Variants in DNAH3 observed in about 807,000 individuals in gnomAD.
DNAH3 encodes axonemal beta dynein heavy chain 3.
A neutral mutation model predicts 432.5 loss-of-function variants in DNAH3; 332 were observed. The observed-to-expected ratio is 0.77, with a 90% CI of 0.70 to 0.84. DNAH3 has a LOEUF of 0.84. DNAH3 is among the 40% of genes least tolerant of loss of function. The pLI is 0.00. For missense variants in DNAH3, 4,861 were observed against 5,114.0 expected (o/e 0.95, Z 1.51); for synonymous variants, 1,956 against 1,900.2 (o/e 1.03, Z -0.76).
chr16:21,092,767 A>T (rs1157516261), intron 18 of DNAH3, among the ~76,000 whole-genome samples: 2 of 143,160 alleles, frequency 1.4e-5, no homozygotes, highest in Non-Finnish European at 3.1e-5. Flanking sequence ...AAGAATTTTT[A>T]AAAATTCAAC....
chr16:21,070,337 C>T (rs1342356154), intron 22 of DNAH3, among the ~76,000 whole-genome samples: 1 of 152,060 alleles, frequency 6.6e-6, no homozygotes. Context: ...GGCTGGAGTG[C>T]AATGGCGCGA....
At chr16:20,978,765 G>A (rs1263447643) in intron 50 of DNAH3, among the ~76,000 whole-genome samples, 1 of 151,940 alleles carries the variant, frequency 6.6e-6, no homozygotes, top group Non-Finnish European at 1.5e-5. Flanking sequence ...GGTCTCAAGC[G>A]ATCTCTTGGC....
chr16:21,134,407 C>T, exon 7 of DNAH3: 1 of 1,614,148 alleles, frequency 6.2e-7, no homozygotes, highest in Middle Eastern at 1.6e-4. Flanking sequence ...GGGATGCTCT[C>T]AATAAAGAGC....
At chr16:21,039,004 G>T (rs1194554716) in intron 33 of DNAH3, among the ~76,000 whole-genome samples, 9 of 152,066 alleles carry the variant, frequency 5.9e-5, no homozygotes, top group Admixed American at 2.6e-4. Flanking sequence ...ATTTTGCAAC[G>T]ATTATTCATA....
chr16:21,042,600 C>A (rs1370727440), intron 31 of DNAH3, among the ~76,000 whole-genome samples: 5 of 151,970 alleles, frequency 3.3e-5, no homozygotes, highest in Non-Finnish European at 7.4e-5. Context: ...ACTTTTAGCA[C>A]GTTGGTATTT....
At position 21,067,289 on chromosome 16, in the gene DNAH3, A is replaced by C. The variant is rs749271331; in HGVS notation, c.3512T>G (p.Phe1171Cys). ...AAAGAACAATGCTGGATACCTGGGGAAGAATAGTCTCTTCTTCTCCAAGTA... is the reference window on the plus strand; with the variant it reads ...AAAGAACAATGCTGGATACCTGGGGCAGAATAGTCTCTTCTTCTCCAAGTA... Residue 1171 changes from phenylalanine (F) to cysteine (C), a missense_variant, in exon 24 of 62, where the codon TTC becomes TGC. Transcript: ENST00000261383. 13 of 1,613,936 alleles carry C rather than the reference A, an allele frequency of 8.1e-6. No homozygotes were observed. Among genetic ancestry groups the C allele is most frequent in the African/African-American group, 2.7e-5 (2 of 74,910 alleles).
In DNAH3 at chr16:21,062,640, C is replaced by T. The variant is rs933235238; in HGVS notation, c.3562G>A (p.Glu1188Lys). ...TGCACTCGGAGAGGGTCCTTTGTCT[C>T]GGACAAGATTTCCAGCAGCTCATCG... The change falls in exon 25 of 62, where the codon GAG becomes AAG. Residue 1188 changes from glutamate to lysine, a missense_variant. Coordinates refer to ENST00000261383, the Ensembl canonical transcript of DNAH3. 7.4e-6 allele frequency: 12 copies of T among 1,613,842 alleles called. No homozygotes were observed. Among genetic ancestry groups the T allele is most frequent in the South Asian group, 2.2e-5 (2 of 91,068 alleles).
At chr16:20,961,616 A>C (rs2084824048) in intron 53 of DNAH3, among the ~76,000 whole-genome samples, 1 of 152,058 alleles carries the variant, frequency 6.6e-6, no homozygotes, top group Non-Finnish European at 1.5e-5. Context: ...AGATGAGGAC[A>C]GACACAGAGA....
Position 21,067,764 on chromosome 16 carries a change from G to C in DNAH3, c.3382-345C>G, listed in dbSNP as rs576990026. On this transcript the variant is annotated intron_variant, in intron 23 of 61. Transcript: ENST00000261383. Reference sequence around the variant, plus strand: ...GATAGAGAAAGCCAGTCTTGGGGGGGGGGGTGGGGAGGGAGAGAGAGAGAG... The same window carrying C: ...GATAGAGAAAGCCAGTCTTGGGGGGCGGGGTGGGGAGGGAGAGAGAGAGAG... Among the ~76,000 whole-genome samples the C allele has an allele frequency of 1.3e-4, 5 of 39,802 alleles. 1 individual carries two copies. Among genetic ancestry groups the C allele is most frequent in the Non-Finnish European group, 1.4e-4 (3 of 21,182 alleles). 26.1% of individuals were successfully genotyped at this position (39,802 alleles called of 152,430 possible).
chr16:20,939,793 GA>G (rs2083736762), intron 59 of DNAH3, among the ~76,000 whole-genome samples: 1 of 152,158 alleles, frequency 6.6e-6, no homozygotes, highest in Non-Finnish European at 1.5e-5. Flanking sequence ...CTTGGTCTTG[GA>G]AGCAGAAGTG....
At chr16:21,034,940 T>C (rs2089086312) in intron 35 of DNAH3, among the ~76,000 whole-genome samples, 1 of 152,104 alleles carries the variant, frequency 6.6e-6, no homozygotes, top group South Asian at 2.1e-4. Context: ...AAGCTACTGT[T>C]TGAAAGTTAC....
At chr16:21,037,790 A>G (rs748348761) in exon 34 of DNAH3, 32 of 1,614,038 alleles carry the variant, frequency 2.0e-5, no homozygotes, top group Non-Finnish European at 2.6e-5. Context: ...TGCGCTAAGA[A>G]CTTGGCCAGA....
intron 31 of DNAH3, among the ~76,000 whole-genome samples, chr16:21,045,903 T>C (rs1373687774): frequency 1.4e-5 from 2 of 138,846 alleles, no homozygotes; most frequent in Non-Finnish European, 1.6e-5. Flanking sequence ...TCAAAGAACA[T>C]CTTTATTTCT....
At chr16:21,079,960 G>A (rs1365829837) in intron 20 of DNAH3, among the ~76,000 whole-genome samples, 1 of 152,204 alleles carries the variant, frequency 6.6e-6, no homozygotes. Flanking sequence ...AGCCTTTCAT[G>A]TATCAGAATC....
intron 59 of DNAH3, among the ~76,000 whole-genome samples, chr16:20,938,016 A>G (rs2083659149): frequency 6.6e-6 from 1 of 152,164 alleles, no homozygotes; most frequent in Non-Finnish European, 1.5e-5. Context: ...CCAAAGCTTT[A>G]TGGAATCTCA....
At chr16:20,951,108 A>G (rs2084290017) in intron 56 of DNAH3, among the ~76,000 whole-genome samples, 1 of 151,960 alleles carries the variant, frequency 6.6e-6, no homozygotes, top group African/African-American at 2.4e-5. Context: ...CCCACCGCAC[A>G]GAGCCTATGA....
chr16:20,992,352 TTTTTA>T (rs1254614231), intron 44 of DNAH3, among the ~76,000 whole-genome samples: 1 of 152,204 alleles, frequency 6.6e-6, no homozygotes, highest in Non-Finnish European at 1.5e-5. Flanking sequence ...TTTATTTTTA[TTTTTA>T]TTTTTTGAGA....
At chr16:20,953,378 T>C (rs2084405646) in intron 55 of DNAH3, among the ~76,000 whole-genome samples, 1 of 152,096 alleles carries the variant, frequency 6.6e-6, no homozygotes, top group Non-Finnish European at 1.5e-5. Context: ...AGGCTGGTCT[T>C]GAACTCCTGA....
intron 49 of DNAH3, 79 bp downstream of exon 49, chr16:20,982,642 A>C: frequency 1.6e-6 from 2 of 1,275,942 alleles, no homozygotes. Flanking sequence ...GAAATCTTCA[A>C]AACAACAACA....
Sources: gnomAD v4.1 joint callset for allele counts (sites outside exome capture counted in the v4.1 genomes callset) on GRCh38, gnomAD v4.1.1 for gene constraint, MANE v1.5 for transcripts, NCBI Gene and HGNC (gene_info 2026-07-23, HGNC 2026-07-21) for gene names.